SPATS2L: variants seen among roughly 807,000 people sequenced by gnomAD.
SPATS2L encodes spermatogenesis associated serine rich 2 like.
Under a neutral mutation model 59.6 loss-of-function variants are expected in SPATS2L, and 30 were observed. That is an observed-to-expected ratio of 0.50 (90% CI 0.38 to 0.68). The LOEUF is 0.68. SPATS2L is among the 30% of genes least tolerant of loss of function. The pLI is 0.00. For missense variants in SPATS2L, 615 were observed against 700.0 expected, an observed-to-expected ratio of 0.88 and a Z score of 1.37; for synonymous variants, 252 against 263.5, an observed-to-expected ratio of 0.96 and a Z score of 0.42.
intron 2 of SPATS2L, among the ~76,000 whole-genome samples, chr2:200,347,692 G>A (rs1229650785): frequency 2.6e-5 from 4 of 152,110 alleles, no homozygotes; most frequent in African/African-American, 9.7e-5. Context: ...AAGTGGGGGT[G>A]GATGGATACT....
At position 200,413,100 on chromosome 2, in the gene SPATS2L, A is replaced by G. The variant is rs537719042; in HGVS notation, c.148+681A>G. On this transcript the variant is annotated intron_variant, in intron 4 of 12. Coordinates refer to ENST00000409140, the MANE Select transcript of SPATS2L (RefSeq NM_001100423.2). ...GTGTCCTTTATTTGATACCATTCTT[A>G]TGAATGGAGGATAATGTATTTTGGT... Among the ~76,000 whole-genome samples the G allele has an allele frequency of 3.3e-5, 5 of 152,282 alleles. No individual in the cohort carries two copies. In the East Asian group the frequency reaches 9.6e-4, roughly 29 times the overall value.
intron 9 of SPATS2L, among the ~76,000 whole-genome samples, chr2:200,464,173 T>G (rs1404256329): frequency 6.6e-6 from 1 of 152,258 alleles, no homozygotes. Context: ...TCAGTGAAGC[T>G]TAAGATCTGA....
At chr2:200,400,166 A>G (rs1249744898) in intron 3 of SPATS2L, among the ~76,000 whole-genome samples, 1 of 127,466 alleles carries the variant, frequency 7.8e-6, no homozygotes, top group African/African-American at 2.7e-5. Flanking sequence ...AATGAAGATA[A>G]CATTTTTTTG....
chr2:200,363,793 TTAATTTCTG>T (rs1316601325), intron 2 of SPATS2L, among the ~76,000 whole-genome samples: 1 of 152,210 alleles, frequency 6.6e-6, no homozygotes, highest in African/African-American at 2.4e-5. Flanking sequence ...CTTTTCTGCA[TTAATTTCTG>T]TGGTCAAAGC....
chr2:200,405,161 C>G (rs908698719), intron 3 of SPATS2L, among the ~76,000 whole-genome samples: 1 of 152,126 alleles, frequency 6.6e-6, no homozygotes, highest in Admixed American at 6.5e-5. Context: ...CAGCTGGGAG[C>G]TGATTAGAAA....
chr2:200,458,733 TAAAA>T (rs71022320), intron 8 of SPATS2L, among the ~76,000 whole-genome samples: 1 of 148,680 alleles, frequency 6.7e-6, no homozygotes, highest in East Asian at 2.0e-4. Flanking sequence ...AACACACTGT[TAAAA>T]AAAAAAAAGA....
intron 9 of SPATS2L, among the ~76,000 whole-genome samples, chr2:200,466,889 T>C (rs537918870): frequency 3.9e-5 from 6 of 152,346 alleles, no homozygotes; most frequent in Non-Finnish European, 8.8e-5. Flanking sequence ...GCAGCACATA[T>C]AGAATGATTT....
At chr2:200,306,347 T>C (rs1454229901), upstream of SPATS2L, 2 of 1,002,114 alleles carry the variant, frequency 2.0e-6, no homozygotes, top group Non-Finnish European at 1.2e-6. Flanking sequence ...AATCTTTCAT[T>C]AACAAGGGGA....
chr2:200,464,165 A>G (rs1038510862), intron 9 of SPATS2L, among the ~76,000 whole-genome samples: 24 of 152,362 alleles, frequency 1.6e-4, no homozygotes, highest in Admixed American at 1.3e-3. Flanking sequence ...TTACAGGATC[A>G]GTGAAGCTTA....
intron 2 of SPATS2L, among the ~76,000 whole-genome samples, chr2:200,341,288 G>A (rs931919533): frequency 2.6e-5 from 4 of 152,176 alleles, no homozygotes; most frequent in African/African-American, 9.7e-5. Context: ...TGTGACTTCA[G>A]CACCTATGTT....
upstream of SPATS2L, chr2:200,306,625 G>GGGCGGGCC: frequency 6.0e-6 from 6 of 993,472 alleles, no homozygotes; most frequent in Non-Finnish European, 6.0e-6. Context: ...AGGGGAAGGC[G>GGGCGGGCC]GGCGGGTCGG....
intron 2 of SPATS2L, among the ~76,000 whole-genome samples, chr2:200,369,559 C>T (rs1465636162): frequency 1.3e-5 from 2 of 151,940 alleles, no homozygotes; most frequent in Non-Finnish European, 2.9e-5. Context: ...TGTCAGGAAG[C>T]CTGGAATCCA....
chr2:200,401,018 C>T (rs911873339), intron 3 of SPATS2L, among the ~76,000 whole-genome samples: 7 of 152,168 alleles, frequency 4.6e-5, no homozygotes, highest in Non-Finnish European at 1.0e-4. Flanking sequence ...GCTGGTTGAT[C>T]AGTATAGTAG....
intron 2 of SPATS2L, among the ~76,000 whole-genome samples, chr2:200,386,461 G>T (rs1574348630): frequency 6.6e-6 from 1 of 152,320 alleles, no homozygotes; most frequent in South Asian, 2.1e-4. Flanking sequence ...ATGTGAGCGT[G>T]TGTGCGTGTA....
chr2:200,441,171 C>T (rs1478440724), intron 8 of SPATS2L, among the ~76,000 whole-genome samples: 3 of 152,112 alleles, frequency 2.0e-5, no homozygotes, highest in African/African-American at 7.2e-5. Context: ...AAGAAGAATT[C>T]CCTTAACGAA....
intron 2 of SPATS2L, among the ~76,000 whole-genome samples, chr2:200,367,309 G>A (rs1027432421): frequency 3.3e-5 from 5 of 150,662 alleles, no homozygotes; most frequent in Admixed American, 1.3e-4. Flanking sequence ...TTGCAATCAT[G>A]ATGATCTCTG....
intron 12 of SPATS2L, among the ~76,000 whole-genome samples, chr2:200,476,776 A>G (rs927632660): frequency 3.3e-5 from 5 of 152,222 alleles, no homozygotes; most frequent in Non-Finnish European, 7.3e-5. Context: ...TTTTTCATGA[A>G]GGCAGAGGGT....
chr2:200,386,378 C>T (rs2081994672), intron 2 of SPATS2L, among the ~76,000 whole-genome samples: 2 of 152,156 alleles, frequency 1.3e-5, no homozygotes, highest in South Asian at 4.1e-4. Context: ...ATTAATTTTA[C>T]TAGCATCAGT....
intron 9 of SPATS2L, among the ~76,000 whole-genome samples, chr2:200,465,606 T>G (rs1354472911): frequency 6.6e-6 from 1 of 152,236 alleles, no homozygotes; most frequent in East Asian, 1.9e-4. Flanking sequence ...CCACATGGTA[T>G]TGTAAATGGG....
Sources: gnomAD v4.1 joint callset for allele counts (sites outside exome capture counted in the v4.1 genomes callset) on GRCh38, gnomAD v4.1.1 for gene constraint, MANE v1.5 for transcripts, NCBI Gene and HGNC (gene_info 2026-07-23, HGNC 2026-07-21) for gene names.